The following FAM98B variants were observed in gnomAD, a reference collection of about 807,000 sequenced individuals.
The protein encoded by FAM98B is tRNA splicing ligase complex subunit 3B.
Under a neutral mutation model 43.9 loss-of-function variants are expected in FAM98B, and 32 were observed. The ratio of observed to expected loss-of-function variants is 0.73; its 90% confidence interval spans 0.55 to 0.98. The LOEUF (loss-of-function observed/expected upper bound fraction) is 0.98, where lower values mean the gene tolerates loss of function less well. FAM98B is among the 50% of genes least tolerant of loss of function. The pLI is 0.00. For missense variants in FAM98B, 514 were observed against 522.9 expected (o/e 0.98, Z 0.17); for synonymous variants, 190 against 174.0 (o/e 1.09, Z -0.72).
Position 38,481,225 on chromosome 15 carries a change from A to G in FAM98B, c.730-67A>G. The G allele has an allele frequency of 3.7e-6, 5 of 1,351,570 alleles. No individual in the cohort carries two copies. In the South Asian group the frequency reaches 5.0e-5, roughly 14 times the overall value. 83.7% of individuals were successfully genotyped at this position (1,351,570 alleles called of 1,614,324 possible). A position where few individuals can be genotyped will look rare whatever the true frequency, so the allele number is the denominator to read the frequency against. On this transcript the variant is annotated intron_variant, in intron 6 of 7. Coordinates refer to ENST00000397609, the MANE Select transcript of FAM98B (RefSeq NM_173611.4). ...CTCCTTTTCTTTATTTCTAAAGATT[A>G]TGATTGTTTTTGCTCTTTCATTAAA... is the stretch of plus-strand genomic sequence containing the variant.
chr15:38,470,463 A>G (rs1566899194), intron 4 of FAM98B, 58 bp downstream of exon 4: 3 of 1,410,600 alleles, frequency 2.1e-6, no homozygotes, highest in African/African-American at 1.5e-5. Context: ...TGTAAGTGCT[A>G]TATTAAAAAT....
intron 2 of FAM98B, 97 bp from the exon 3 acceptor site, chr15:38,465,172 G>A (rs1423633899): frequency 5.7e-6 from 7 of 1,231,028 alleles, no homozygotes; most frequent in Non-Finnish European, 7.8e-6. Flanking sequence ...TGAAAATTTA[G>A]AATTGAATGT....
chr15:38,474,088 C>A, intron 5 of FAM98B, 94 bp from the exon 6 acceptor site: 1 of 808,760 alleles, frequency 1.2e-6, no homozygotes, highest in Non-Finnish European at 2.0e-6. Flanking sequence ...CATCTTTTGA[C>A]TCAGTAGGAA....
chr15:38,481,912 T>G, intron 7 of FAM98B: 1 of 234,618 alleles, frequency 4.3e-6, no homozygotes, highest in South Asian at 6.8e-5. Context: ...ACTGAACTTC[T>G]TTGAGCTTCT....
chr15:38,462,535 G>A (rs142229895), intron 1 of FAM98B, among the ~76,000 whole-genome samples: 166 of 152,192 alleles, frequency 1.1e-3, no homozygotes, highest in African/African-American at 3.8e-3. Context: ...GGAATACGTC[G>A]TAAATATAAA....
intron 4 of FAM98B, among the ~76,000 whole-genome samples, chr15:38,472,864 A>C (rs923540442): frequency 6.6e-6 from 1 of 152,156 alleles, no homozygotes; most frequent in Non-Finnish European, 1.5e-5. Flanking sequence ...CCAGTCAGGA[A>C]GGTAAATTAA....
At chr15:38,478,570 C>CAT (rs1460149441) in intron 6 of FAM98B, among the ~76,000 whole-genome samples, 1 of 152,118 alleles carries the variant, frequency 6.6e-6, no homozygotes, top group Non-Finnish European at 1.5e-5. Context: ...TTATTATATG[C>CAT]ATATATATAC....
chr15:38,454,410 G>C (rs191594532), intron 1 of FAM98B, among the ~76,000 whole-genome samples, 178 bp downstream of exon 1: 73 of 152,292 alleles, frequency 4.8e-4, no homozygotes, highest in Middle Eastern at 6.8e-3. Flanking sequence ...AATCTATTTG[G>C]GGGGTGGAGC....
chr15:38,477,965 G>A (rs1890229574), intron 6 of FAM98B, among the ~76,000 whole-genome samples: 1 of 152,126 alleles, frequency 6.6e-6, no homozygotes, highest in African/African-American at 2.4e-5. Flanking sequence ...CTTAAATAGA[G>A]GTTTTATCTA....
chr15:38,477,158 A>C (rs774978903), intron 6 of FAM98B, among the ~76,000 whole-genome samples: 18 of 149,378 alleles, frequency 1.2e-4, no homozygotes, highest in Non-Finnish European at 2.2e-4. Flanking sequence ...AGAGTAAAGC[A>C]CTATAAAGCC....
At chr15:38,479,334 A>G (rs560343490) in intron 6 of FAM98B, among the ~76,000 whole-genome samples, 23 of 152,138 alleles carry the variant, frequency 1.5e-4, no homozygotes, top group Non-Finnish European at 2.9e-4. Flanking sequence ...GTGTAACCCT[A>G]TATGTAATTC....
chr15:38,484,208 A>T (rs1411850848), intron 7 of FAM98B, 47 bp from the exon 8 acceptor site: 2 of 1,524,894 alleles, frequency 1.3e-6, no homozygotes. Context: ...TTTTATGTAA[A>T]CTTTTTTGAA....
intron 1 of FAM98B, among the ~76,000 whole-genome samples, chr15:38,463,533 A>AATAGAATAGAATAG (rs1566897647): frequency 1.0e-4 from 15 of 147,088 alleles, no homozygotes; most frequent in Non-Finnish European, 1.8e-4. Context: ...AAATAAAATA[A>AATAGAATAGAATAG]AATAGTAAAG....
intron 6 of FAM98B, among the ~76,000 whole-genome samples, chr15:38,479,423 G>A (rs1890253073): frequency 6.6e-6 from 1 of 152,072 alleles, no homozygotes; most frequent in Admixed American, 6.6e-5. Flanking sequence ...CCATGCCCTG[G>A]CAACCATTAC....
chr15:38,459,362 T>C (rs929346504), intron 1 of FAM98B: 13 of 448,494 alleles, frequency 2.9e-5, no homozygotes, highest in African/African-American at 2.6e-4. Context: ...TTCCTCCTTA[T>C]ATGGATGAGC....
chr15:38,454,277 C>G (rs371974192), intron 1 of FAM98B, 45 bp downstream of exon 1: 110 of 1,564,244 alleles, frequency 7.0e-5, no homozygotes, highest in Admixed American at 1.9e-5. Flanking sequence ...CGCAACCTCT[C>G]CTTGGCCTGG....
intron 1 of FAM98B, among the ~76,000 whole-genome samples, chr15:38,456,187 A>C (rs559231338): frequency 6.6e-6 from 1 of 152,334 alleles, no homozygotes; most frequent in East Asian, 1.9e-4. Flanking sequence ...GCTAGGAGTC[A>C]GTCAGTTTTC....
At chr15:38,468,287 G>T (rs1368607199) in intron 3 of FAM98B, among the ~76,000 whole-genome samples, 1 of 152,130 alleles carries the variant, frequency 6.6e-6, no homozygotes, top group African/African-American at 2.4e-5. Context: ...CCAGGCTGGA[G>T]TGTGATGGTG....
chr15:38,477,926 G>C (rs1890228592), intron 6 of FAM98B, among the ~76,000 whole-genome samples: 1 of 152,206 alleles, frequency 6.6e-6, no homozygotes, highest in African/African-American at 2.4e-5. Flanking sequence ...AGATGTGTGG[G>C]AAGCACCAGC....
Sources: allele counts gnomAD v4.1 joint callset (sites outside exome capture counted in the v4.1 genomes callset), GRCh38; gene constraint gnomAD v4.1.1; transcripts MANE v1.5; gene names NCBI Gene and HGNC (gene_info 2026-07-23, HGNC 2026-07-21).